The following FOXP4 variants were observed in gnomAD, a reference collection of about 807,000 sequenced individuals.
FOXP4 encodes the protein forkhead box protein P4.
A neutral mutation model predicts 82.6 loss-of-function variants in FOXP4; 25 were observed. That is an observed-to-expected ratio of 0.30 (90% CI 0.22 to 0.42). The LOEUF is 0.42. Ranked by LOEUF, FOXP4 falls within the 10% of genes least tolerant of loss-of-function variation. The pLI is 1.00. For missense variants in FOXP4, 785 were observed against 900.9 expected, an observed-to-expected ratio of 0.87 and a Z score of 1.65; for synonymous variants, 415 against 388.2, an observed-to-expected ratio of 1.07 and a Z score of -0.81.
intron 2 of FOXP4, among the ~76,000 whole-genome samples, chr6:41,571,432 A>G (rs537543516): frequency 1.4e-3 from 206 of 152,336 alleles, no homozygotes; most frequent in Non-Finnish European, 2.5e-3. Flanking sequence ...TCAGCTGTAA[A>G]TTCTCATCTC....
chr6:41,563,968 G>T (rs941093437), intron 1 of FOXP4, among the ~76,000 whole-genome samples: 10 of 152,298 alleles, frequency 6.6e-5, no homozygotes, highest in African/African-American at 2.2e-4. Flanking sequence ...TCCCCCATAG[G>T]TGCCAAGAAA....
intron 1 of FOXP4, among the ~76,000 whole-genome samples, chr6:41,562,385 G>C (rs1764634569): frequency 6.6e-6 from 1 of 152,164 alleles, no homozygotes; most frequent in African/African-American, 2.4e-5. Flanking sequence ...ATGCAAATGA[G>C]AGGCTTGCTT....
rs1766418390 is a variant in FOXP4 at position 41,590,148 on chromosome 6, G to T, written c.1335G>T (p.Lys445Asn). 1.2e-6 allele frequency: 2 copies of T among 1,608,020 alleles called. No individual in the cohort carries two copies. Among genetic ancestry groups the T allele is most frequent in the East Asian group, 4.5e-5 (2 of 44,710 alleles). ...CAGCCCGTCGGAGAAGCAGTGACAA[G>T]TTCTGCTCCCCCATCTCCTCAGGTG... ...GGPARRRSSDKFCSPISSELA... is the reference protein window; with the variant it reads ...GGPARRRSSDNFCSPISSELA... Residue 445 changes from lysine to asparagine, a missense_variant, in exon 11 of 17, where the codon AAG becomes AAT. By Grantham distance (94) the Lys-to-Asn change is moderately conservative. Transcript: ENST00000307972.
intron 1 of FOXP4, among the ~76,000 whole-genome samples, chr6:41,551,019 C>G (rs1490854388): frequency 6.6e-6 from 1 of 152,204 alleles, no homozygotes; most frequent in Non-Finnish European, 1.5e-5. Flanking sequence ...TATTGGCTCC[C>G]TTCAGCGTTG....
intron 2 of FOXP4, among the ~76,000 whole-genome samples, chr6:41,566,591 TC>T (rs1764894365): frequency 6.6e-6 from 1 of 152,140 alleles, no homozygotes; most frequent in African/African-American, 2.4e-5. Context: ...GACCAACCTC[TC>T]TGAGGATCTA....
intron 2 of FOXP4, among the ~76,000 whole-genome samples, chr6:41,566,495 C>T (rs966988363): frequency 3.3e-5 from 5 of 152,212 alleles, no homozygotes; most frequent in Non-Finnish European, 7.3e-5. Flanking sequence ...AAAGACAGGC[C>T]TCCATTTTTA....
rs9394808 is a variant in FOXP4 at position 41,580,893 on chromosome 6, C to G, written c.300+2812C>G. ...GCACCTCCCAGCCACGTTCACCATC[C>G]CTCTCCTCCAGAGCCAGCTTCAGAA... On this transcript the variant is annotated intron_variant, in intron 3 of 16. Transcript: ENST00000307972. 1.0e-3 allele frequency among the ~76,000 whole-genome samples: 158 copies of G among 152,350 alleles called. 3 individuals are homozygous for G. In the East Asian group the frequency reaches 0.028, roughly 27 times the overall value.
rs1319693839 is a variant in FOXP4, at chr6:41,546,732, G to T, written c.-152G>T. 6.8e-6 allele frequency: 1 copy of T among 146,702 alleles called. No homozygotes were observed. The highest frequency in any genetic ancestry group is 1.5e-5 in the Non-Finnish European group (1 of 65,926). 9.1% of individuals were successfully genotyped at this position (146,702 alleles called of 1,614,324 possible). A position where few individuals can be genotyped will look rare whatever the true frequency, so the allele number is the denominator to read the frequency against. On this transcript the variant is annotated 5_prime_UTR_variant, in exon 1 of 17. Transcript: ENST00000307972. Reference sequence around the variant, plus strand: ...GCCCGGCGCGCTGGGAGGACGCCCGGGAGCTGCGCGACGCGGGGCGGCGCG... The same window carrying T: ...GCCCGGCGCGCTGGGAGGACGCCCGTGAGCTGCGCGACGCGGGGCGGCGCG...
chr6:41,557,771 G>A (rs766821599), intron 1 of FOXP4, among the ~76,000 whole-genome samples: 1 of 152,142 alleles, frequency 6.6e-6, no homozygotes, highest in Non-Finnish European at 1.5e-5. Context: ...GTAGGATTAT[G>A]AGTACTCTAT....
chr6:41,565,997 G>A lies in FOXP4; in HGVS notation c.204+33G>A, dbSNP rs377314739. 5.3e-5 allele frequency: 84 copies of A among 1,590,854 alleles called. No homozygotes were observed. In the African/African-American group the frequency reaches 1.0e-3, roughly 20 times the overall value. ...CTGGTGCGCCTTGGGGTATCTGGGA[G>A]CGGGAGAGGGGCACTAGGCTGCATT... On this transcript the variant is annotated intron_variant, in intron 2 of 16. Coordinates refer to ENST00000307972, the MANE Select transcript of FOXP4 (RefSeq NM_001012426.2).
chr6:41,591,265 C>T lies in FOXP4; in HGVS notation c.1479C>T (p.Ile493=), dbSNP rs1296919380. 1.2e-6 allele frequency: 2 copies of T among 1,610,396 alleles called. No homozygotes were observed. The highest frequency in any genetic ancestry group is 3.4e-5 in the Admixed American group (2 of 59,564). The part of the protein sequence containing the change: ...TPDRQLTLNE[I]YNWFTRMFAY... ...ACAGGCAGCTGACCCTGAATGAGAT[C>T]TATAACTGGTTCACCAGGATGTTCG... The change falls in exon 13 of 17, where the codon ATC becomes ATT. Residue 493 remains isoleucine, a synonymous_variant. Transcript: ENST00000307972. This position sits in a 1 kb window ranked among gnomAD's most constrained non-coding sequence, Gnocchi z 4.2.
intron 4 of FOXP4, 45 bp downstream of exon 4, chr6:41,584,936 C>T: frequency 6.4e-7 from 1 of 1,556,234 alleles, no homozygotes. Context: ...CTCTGCCTGG[C>T]CTGGCTCCTC....
chr6:41,577,076 A>G (rs767878376), intron 2 of FOXP4, among the ~76,000 whole-genome samples: 1 of 151,884 alleles, frequency 6.6e-6, no homozygotes, highest in Non-Finnish European at 1.5e-5. Context: ...ACTGCCCATC[A>G]GTTTACCTTC....
At chr6:41,585,551 C>T (rs1561795756) in intron 5 of FOXP4, 34 bp downstream of exon 5, 3 of 1,595,380 alleles carry the variant, frequency 1.9e-6, no homozygotes, top group Non-Finnish European at 2.6e-6. Flanking sequence ...CCACCGCCCT[C>T]ACCCCCTGCC....
Position 41,591,073 on chromosome 6 carries a change from A to G in FOXP4, c.1435-148A>G, listed in dbSNP as rs1766487126. Reference sequence around the variant, plus strand: ...TGAGGGGACCCACCAGCCACCACCCATCTTGTTATCCACACATTTCTGAGC... The same window carrying G: ...TGAGGGGACCCACCAGCCACCACCCGTCTTGTTATCCACACATTTCTGAGC... On this transcript the variant is annotated intron_variant, in intron 12 of 16. Coordinates refer to ENST00000307972, the MANE Select transcript of FOXP4 (RefSeq NM_001012426.2). This position sits in a 1 kb window ranked among gnomAD's most constrained non-coding sequence, Gnocchi z 4.2. 11 of 678,292 alleles carry G rather than the reference A, an allele frequency of 1.6e-5. No individual in the cohort carries two copies. The highest frequency in any genetic ancestry group is 2.8e-5 in the Non-Finnish European group (11 of 386,178). The allele number at this position is 678,292 out of a possible 1,614,324, so 42.0% of individuals were successfully genotyped here.
At chr6:41,557,873 G>C (rs1165456347) in intron 1 of FOXP4, among the ~76,000 whole-genome samples, 1 of 152,124 alleles carries the variant, frequency 6.6e-6, no homozygotes, top group Admixed American at 6.6e-5. Context: ...AGAGGACCTG[G>C]AACAGACAGC....
Position 41,593,944 on chromosome 6 carries a change from A to G in FOXP4, c.1537-926A>G, listed in dbSNP as rs1441995933. 1.3e-5 allele frequency among the ~76,000 whole-genome samples: 2 copies of G among 152,130 alleles called. No individual in the cohort carries two copies. The highest frequency in any genetic ancestry group is 1.9e-4 in the East Asian group (1 of 5,174). Reference sequence around the variant, plus strand: ...GGGAGGCTAAGGGAGGACAGGTAACAGGGTCCAGGGATGCAGGCAGGGATG... The same window carrying G: ...GGGAGGCTAAGGGAGGACAGGTAACGGGGTCCAGGGATGCAGGCAGGGATG... On this transcript the variant is annotated intron_variant, in intron 13 of 16. Coordinates refer to ENST00000307972, the MANE Select transcript of FOXP4 (RefSeq NM_001012426.2). The surrounding 1 kb of genome is among the most constrained non-coding windows in gnomAD (Gnocchi z 4.1).
intron 3 of FOXP4, 107 bp downstream of exon 3, chr6:41,578,188 C>A: frequency 3.3e-6 from 3 of 920,054 alleles, no homozygotes; most frequent in Non-Finnish European, 4.9e-6. Context: ...GTTCCAACAC[C>A]AAAAAGTGGG....
intron 1 of FOXP4, among the ~76,000 whole-genome samples, chr6:41,548,827 T>A (rs1219627457): frequency 7.8e-4 from 48 of 61,748 alleles, no homozygotes; most frequent in East Asian, 4.7e-3. Context: ...TGAAGGCCTT[T>A]TTTTTTTTTT....
Sources: gnomAD v4.1 joint callset for allele counts (sites outside exome capture counted in the v4.1 genomes callset) on GRCh38, gnomAD v4.1.1 for gene constraint, Gnocchi (gnomAD v3.1) non-coding constraint, MANE v1.5 for transcripts, NCBI Gene and HGNC (gene_info 2026-07-23, HGNC 2026-07-21) for gene names.